The following MRPL34 variants were observed in gnomAD, a reference collection of about 807,000 sequenced individuals.
MRPL34 encodes the protein large ribosomal subunit protein bL34m.
MRPL34 carries 8 observed loss-of-function variants against 6.7 expected under a neutral mutation model. That is an observed-to-expected ratio of 1.20 (90% confidence interval 0.70 to 2.16). MRPL34 has a LOEUF of 2.16. Ranked by LOEUF, MRPL34 falls within the 30% of genes most tolerant of loss-of-function variation. The probability of loss-of-function intolerance (pLI) is 0.00; values close to 1 mark genes in which losing one functional copy is unlikely to be tolerated. For missense variants in MRPL34, 146 were observed against 125.5 expected (o/e 1.16, Z -0.78); for synonymous variants, 59 against 55.1 (o/e 1.07, Z -0.31).
chr19:17,294,267 G>T, intron 1 of MRPL34: 1 of 1,589,750 alleles, frequency 6.3e-7, no homozygotes, highest in Non-Finnish European at 8.5e-7. Flanking sequence ...TAGCTGTGGC[G>T]CCCCAGGTGC....
chr19:17,296,939 C>A (rs1347981703), intron 1 of MRPL34, among the ~76,000 whole-genome samples: 2 of 151,998 alleles, frequency 1.3e-5, no homozygotes, highest in Non-Finnish European at 2.9e-5. Context: ...AGGTGATCTG[C>A]CCACCTTGGC....
At chr19:17,295,341 A>C (rs1264134812) in intron 1 of MRPL34, among the ~76,000 whole-genome samples, 1 of 151,978 alleles carries the variant, frequency 6.6e-6, no homozygotes, top group Non-Finnish European at 1.5e-5. Context: ...TCCTGACCTC[A>C]AGTGATCCAT....
chr19:17,298,467 C>A (rs770721887), upstream of MRPL34: 2 of 152,016 alleles, frequency 1.3e-5, no homozygotes, highest in African/African-American at 4.8e-5. Flanking sequence ...TACAGGATTC[C>A]GATGAGCGCT....
At chr19:17,292,828 G>A in exon 1 of MRPL34, 2 of 1,611,910 alleles carry the variant, frequency 1.2e-6, no homozygotes, top group South Asian at 2.2e-5. Context: ...GCCAGGAGCA[G>A]GATCTGCAGA....
At chr19:17,300,899 G>A (rs1430932500), upstream of MRPL34, 8 of 1,606,762 alleles carry the variant, frequency 5.0e-6, no homozygotes, top group Admixed American at 3.4e-5. Flanking sequence ...TTGGCATAGC[G>A]CTTGAAGATT....
At chr19:17,305,677 T>A, upstream of MRPL34, 3 of 600,364 alleles carry the variant, frequency 5.0e-6, no homozygotes, top group Non-Finnish European at 8.9e-6. Context: ...GCCGGCTACC[T>A]GTTGGTGTGT....
chr19:17,299,720 A>G (rs915647871), upstream of MRPL34, among the ~76,000 whole-genome samples: 2 of 151,968 alleles, frequency 1.3e-5, no homozygotes, highest in African/African-American at 4.8e-5. Context: ...AAAGAAAAAA[A>G]AATTTTAAAA....
chr19:17,294,587 G>C, intron 1 of MRPL34: 1 of 1,608,082 alleles, frequency 6.2e-7, no homozygotes. Context: ...CCTAGTCCCA[G>C]CGGTACAGTC....
At chr19:17,295,125 G>A (rs2074088245) in intron 1 of MRPL34, among the ~76,000 whole-genome samples, 1 of 129,522 alleles carries the variant, frequency 7.7e-6, no homozygotes, top group African/African-American at 3.1e-5. Context: ...TTGAGACGGA[G>A]TCTCGCTCTG....
upstream of MRPL34, chr19:17,301,397 C>T (rs749014928): frequency 3.1e-6 from 5 of 1,611,900 alleles, no homozygotes; most frequent in Non-Finnish European, 4.2e-6. Flanking sequence ...CGGACCAAGC[C>T]GGAGAGGTCC....
At chr19:17,294,135 C>T (rs2074082645) in intron 1 of MRPL34, among the ~76,000 whole-genome samples, 2 of 152,126 alleles carry the variant, frequency 1.3e-5, no homozygotes, top group African/African-American at 4.8e-5. Flanking sequence ...GAACAAGATA[C>T]AGCAACTAGA....
At chr19:17,297,454 C>T (rs1453331864) in intron 1 of MRPL34, among the ~76,000 whole-genome samples, 1 of 152,068 alleles carries the variant, frequency 6.6e-6, no homozygotes, top group Non-Finnish European at 1.5e-5. Context: ...TGCAACCATA[C>T]CCAGCTACTT....
At chr19:17,294,383 C>T (rs138969474) in intron 1 of MRPL34, 1 of 1,613,944 alleles carries the variant, frequency 6.2e-7, no homozygotes, top group Admixed American at 1.7e-5. Context: ...TGGTAGACCT[C>T]GTCGCCCTCG....
chr19:17,305,859 G>T (rs779733108), upstream of MRPL34: 2 of 1,606,976 alleles, frequency 1.2e-6, no homozygotes, highest in South Asian at 1.1e-5. Context: ...CTCCGGAATC[G>T]CCCGCAGCCG....
chr19:17,301,775 T>TG (rs1491163773), upstream of MRPL34, among the ~76,000 whole-genome samples: 15 of 96,314 alleles, frequency 1.6e-4, no homozygotes, highest in East Asian at 6.5e-4. Context: ...GATTTTTTTG[T>TG]TTGTGTGTGT....
chr19:17,295,990 C>A (rs989040770), intron 1 of MRPL34, among the ~76,000 whole-genome samples: 2 of 148,518 alleles, frequency 1.3e-5, no homozygotes, highest in African/African-American at 5.0e-5. Flanking sequence ...GGATTATAGG[C>A]GTGAGCCGTG....
chr19:17,301,304 G>A (rs1357506772), upstream of MRPL34: 4 of 1,607,382 alleles, frequency 2.5e-6, no homozygotes, highest in South Asian at 1.1e-5. Context: ...TTCTGCCCGT[G>A]TAGGAGGTCG....
At chr19:17,301,756 C>A, upstream of MRPL34, 1 of 1,078,606 alleles carries the variant, frequency 9.3e-7, no homozygotes, top group Non-Finnish European at 1.2e-6. Context: ...AAGTGAGCCA[C>A]GGCACTGAGA....
At chr19:17,298,473 G>A (rs2074102894), upstream of MRPL34, 1 of 152,118 alleles carries the variant, frequency 6.6e-6, no homozygotes, top group Admixed American at 6.6e-5. Flanking sequence ...ATTCCGATGA[G>A]CGCTTCCTGA....
Sources: allele counts gnomAD v4.1 joint callset (sites outside exome capture counted in the v4.1 genomes callset), GRCh38; gene constraint gnomAD v4.1.1; transcripts MANE v1.5; gene names NCBI Gene and HGNC (gene_info 2026-07-23, HGNC 2026-07-21).